CD36: variants seen among roughly 807,000 people sequenced by gnomAD.
CD36 encodes the protein CD36 molecule (CD36 blood group), also known as platelet glycoprotein 4.
A neutral mutation model predicts 55.2 loss-of-function variants in CD36; 119 were observed. That is an observed-to-expected ratio of 2.15 (90% CI 1.86 to 2.51). CD36 has a LOEUF of 2.51. Ranked by LOEUF, CD36 falls within the 30% of genes most tolerant of loss-of-function variation. The pLI is 0.00. For missense variants in CD36, 819 were observed against 555.5 expected (o/e 1.47, Z -4.77); for synonymous variants, 186 against 193.6 (o/e 0.96, Z 0.33).
chr7:80,672,845 T>G lies in CD36; in HGVS notation c.1199+2T>G. The G allele has an allele frequency of 6.2e-7, 1 of 1,601,092 alleles. No individual in the cohort carries two copies. Among genetic ancestry groups the G allele is most frequent in the Non-Finnish European group, 8.6e-7 (1 of 1,169,490 alleles). On this transcript the variant is annotated splice_donor_variant, in intron 12 of 14. Transcript: ENST00000447544. LOFTEE classifies it high-confidence loss of function. The stretch of plus-strand genomic sequence containing the variant: ...GGTCAAGCCATCAGAAAAAATTCAG[T>G]GAGTCTCTTGAAAATGGTTATTTTG...
chr7:80,664,852 T>TAAA lies in CD36; in HGVS notation c.701+367_701+369dup, dbSNP rs11464530. 6.4e-3 allele frequency among the ~76,000 whole-genome samples: 916 copies of TAAA among 144,196 alleles called. 11 individuals are homozygous for TAAA. The highest frequency in any genetic ancestry group is 0.022 in the African/African-American group (872 of 39,318). 94.6% of individuals were successfully genotyped at this position (144,196 alleles called of 152,430 possible). A position where few individuals can be genotyped will look rare whatever the true frequency, so the allele number is the denominator to read the frequency against. On this transcript the variant is annotated intron_variant, in intron 7 of 14. Transcript: ENST00000447544. The stretch of plus-strand genomic sequence containing the variant: ...AATTAGATAACCATAAATGAAAAGG[T>TAAA]AAAAAAAAAAAAAACAACACATCAA...
chr7:80,652,517 T>C (rs1473473381), intron 3 of CD36, among the ~76,000 whole-genome samples: 1 of 152,224 alleles, frequency 6.6e-6, no homozygotes, highest in African/African-American at 2.4e-5. Context: ...ACTTGCATAA[T>C]GCAAAAACAT....
chr7:80,637,423 T>A (rs182693773), upstream of CD36, among the ~76,000 whole-genome samples: 177 of 152,206 alleles, frequency 1.2e-3, 1 homozygote, highest in African/African-American at 4.2e-3. Flanking sequence ...CACATGGTCA[T>A]TTCTACTTTA....
At chr7:80,634,475 T>G (rs1794268908), upstream of CD36, among the ~76,000 whole-genome samples, 1 of 152,140 alleles carries the variant, frequency 6.6e-6, no homozygotes, top group African/African-American at 2.4e-5. Context: ...TTAAATCTAC[T>G]ATCTGATCTT....
intron 1 of CD36, among the ~76,000 whole-genome samples, chr7:80,643,508 C>G (rs186412713): frequency 6.6e-5 from 10 of 152,220 alleles, no homozygotes; most frequent in African/African-American, 2.4e-4. Flanking sequence ...GGGTTTCCTG[C>G]TGCATTTTTT....
At position 80,663,587 on chromosome 7, in the gene CD36, T is replaced by G. The variant is rs186415800; in HGVS notation, c.609+418T>G. Among the ~76,000 whole-genome samples, 542 of 152,150 alleles carry G rather than the reference T, an allele frequency of 3.6e-3. 7 individuals carry two copies. Among genetic ancestry groups the G allele is most frequent in the African/African-American group, 0.012 (493 of 41,444 alleles). ...GACCTCTTACAATTTTAATTTATAT[T>G]TAAAAGTTAGCCTAATGTTCACATC... is the stretch of plus-strand genomic sequence containing the variant. On this transcript the variant is annotated intron_variant, in intron 6 of 14. Transcript: ENST00000447544.
At chr7:80,611,393 A>ATTT (rs1792870945) in intron 1 of CD36, among the ~76,000 whole-genome samples, 1 of 151,980 alleles carries the variant, frequency 6.6e-6, no homozygotes, top group African/African-American at 2.4e-5. Context: ...GCATCTTCTA[A>ATTT]TTTTTCTTCT....
intron 1 of CD36, among the ~76,000 whole-genome samples, chr7:80,630,939 T>G (rs2116092111): frequency 6.6e-6 from 1 of 152,084 alleles, no homozygotes; most frequent in Non-Finnish European, 1.5e-5. Context: ...AACATTTCAG[T>G]TTAGATTTAT....
At chr7:80,614,698 A>C (rs2115818130) in intron 1 of CD36, among the ~76,000 whole-genome samples, 1 of 152,094 alleles carries the variant, frequency 6.6e-6, no homozygotes, top group Middle Eastern at 3.4e-3. Flanking sequence ...TGAGTTCCTG[A>C]CCCCAATTCC....
chr7:80,621,478 C>A (rs1445285182), intron 1 of CD36, among the ~76,000 whole-genome samples: 1 of 152,122 alleles, frequency 6.6e-6, no homozygotes, highest in African/African-American at 2.4e-5. Context: ...AACATGATAG[C>A]TGACTCGTGG....
intron 1 of CD36, among the ~76,000 whole-genome samples, chr7:80,641,046 T>C (rs1377558350): frequency 6.6e-6 from 1 of 152,048 alleles, no homozygotes; most frequent in African/African-American, 2.4e-5. Flanking sequence ...ATGGGTTCTT[T>C]GGAGATGACT....
At chr7:80,654,230 C>A (rs925607445) in intron 3 of CD36, among the ~76,000 whole-genome samples, 9 of 152,182 alleles carry the variant, frequency 5.9e-5, no homozygotes, top group Non-Finnish European at 1.3e-4. Context: ...TCCTGTCAAG[C>A]ACATTCTGTC....
rs141536034 is a variant in CD36 at position 80,610,145 on chromosome 7, A to T, written c.-184+7766A>T. Reference sequence around the variant, plus strand: ...TAAATGAGACTAGATTTATCACAGTAGTTCTCAAAAATTGGCATGAGAATG... The same window carrying T: ...TAAATGAGACTAGATTTATCACAGTTGTTCTCAAAAATTGGCATGAGAATG... On this transcript the variant is annotated intron_variant, in intron 1 of 13. Transcript: ENST00000309881. Among the ~76,000 whole-genome samples the T allele has an allele frequency of 4.9e-3, 746 of 152,350 alleles. 9 individuals are homozygous for T. Among genetic ancestry groups the T allele is most frequent in the African/African-American group, 0.017 (704 of 41,570 alleles).
At chr7:80,644,907 G>C (rs1308571076) in intron 1 of CD36, among the ~76,000 whole-genome samples, 2 of 152,208 alleles carry the variant, frequency 1.3e-5, no homozygotes, top group South Asian at 2.1e-4. Flanking sequence ...TTGACAAAAT[G>C]TCATTGCAAC....
At position 80,673,379 on chromosome 7, in the gene CD36, C is replaced by T. The variant is rs1562826892; in HGVS notation, c.1224C>T (p.Asn408=). ...KIQVLKNLKR[N]YIVPILWLNE... The stretch of plus-strand genomic sequence containing the variant: ...GAGTATTAAAGAATCTGAAGAGGAA[C>T]TATATTGTGCCTATTCTTTGGCTTA... Residue 408 remains asparagine (N), a synonymous_variant, in exon 13 of 15, where the codon AAC becomes AAT. Coordinates refer to ENST00000447544, the MANE Select transcript of CD36 (RefSeq NM_001001548.3). 1 of 1,561,050 alleles carries T rather than the reference C, an allele frequency of 6.4e-7. No individual in the cohort carries two copies. The highest frequency in any genetic ancestry group is 1.1e-5 in the South Asian group (1 of 89,742).
chr7:80,613,429 C>T (rs890576780), intron 1 of CD36, among the ~76,000 whole-genome samples: 1 of 151,958 alleles, frequency 6.6e-6, no homozygotes, highest in Non-Finnish European at 1.5e-5. Flanking sequence ...GGAGATTTTT[C>T]CTTTAGTTAC....
Position 80,672,770 on chromosome 7 carries a change from A to ATAAC in CD36, c.1128_1131dup (p.Gly378AsnfsTer41), listed in dbSNP as rs1562825125. 2 of 1,603,106 alleles carry ATAAC rather than the reference A, an allele frequency of 1.2e-6. No individual in the cohort carries two copies. Among genetic ancestry groups the ATAAC allele is most frequent in the Non-Finnish European group, 1.7e-6 (2 of 1,171,912 alleles). ...AATTATTTAGTTGTTCTCTTTTTAG[A>ATAAC]TAACTGGATTCACTTTACAATTTGC... is the stretch of plus-strand genomic sequence containing the variant. On this transcript the variant is annotated frameshift_variant and splice_region_variant, in exon 12 of 15. Coordinates refer to ENST00000447544, the MANE Select transcript of CD36 (RefSeq NM_001001548.3). LOFTEE classifies it high-confidence loss of function.
At chr7:80,629,686 G>C (rs1359404203) in intron 1 of CD36, among the ~76,000 whole-genome samples, 1 of 151,990 alleles carries the variant, frequency 6.6e-6, no homozygotes, top group Non-Finnish European at 1.5e-5. Flanking sequence ...TAAGCATATT[G>C]AATTAGCCCT....
intron 1 of CD36, among the ~76,000 whole-genome samples, chr7:80,612,826 C>G (rs779601072): frequency 2.2e-4 from 33 of 152,032 alleles, no homozygotes; most frequent in Non-Finnish European, 3.7e-4. Flanking sequence ...TGTGTTATAT[C>G]ACATAGTTAT....
Sources: allele counts gnomAD v4.1 joint callset (sites outside exome capture counted in the v4.1 genomes callset), GRCh38; gene constraint gnomAD v4.1.1; transcripts MANE v1.5; gene names NCBI Gene and HGNC (gene_info 2026-07-23, HGNC 2026-07-21).